Variants in AR observed in about 807,000 individuals in gnomAD.
AR encodes androgen receptor.
AR carries 8 observed loss-of-function variants against 53.9 expected under a neutral mutation model. The ratio of observed to expected loss-of-function variants is 0.15; its 90% CI spans 0.09 to 0.27. AR has a LOEUF of 0.27. Ranked by LOEUF, AR falls within the 10% of genes least tolerant of loss-of-function variation. The probability of loss-of-function intolerance (pLI) is 1.00; values close to 1 mark genes in which losing one functional copy is unlikely to be tolerated. For synonymous variants in AR, 359 were observed against 316.4 expected (o/e 1.13, Z -1.43); for missense variants, 639 against 742.5 (o/e 0.86, Z 1.62).
chrX:67,658,103 G>T (rs1217554336), intron 2 of AR, among the ~76,000 whole-genome samples: 1 of 112,186 alleles, frequency 8.9e-6, no homozygotes, highest in Non-Finnish European at 1.9e-5. Context: ...GACACATTCA[G>T]CCATAATCAA....
chrX:67,652,729 A>C (rs1042244092), intron 2 of AR, among the ~76,000 whole-genome samples: 5 of 111,719 alleles, frequency 4.5e-5, no homozygotes, highest in African/African-American at 1.6e-4. Context: ...GAAGGAGCTT[A>C]GTCCCTGATA....
intron 1 of AR, among the ~76,000 whole-genome samples, chrX:67,581,441 A>G (rs1922292811): frequency 8.9e-6 from 1 of 111,814 alleles, no homozygotes. Flanking sequence ...TGATTTTCAA[A>G]CCTATGAAGT....
At chrX:67,659,560 T>C (rs1258693960) in intron 2 of AR, among the ~76,000 whole-genome samples, 3 of 111,959 alleles carry the variant, frequency 2.7e-5, no homozygotes, top group African/African-American at 9.7e-5. Context: ...TCATTTTTTA[T>C]GGCTGCGTAG....
chrX:67,689,730 T>C, intron 3 of AR: 1 of 834,863 alleles, frequency 1.2e-6, no homozygotes, highest in Non-Finnish European at 1.5e-6. Context: ...GCTTGACGAA[T>C]TTAAATCCCT....
intron 3 of AR, among the ~76,000 whole-genome samples, chrX:67,705,818 C>A (rs1284479601): frequency 9.0e-6 from 1 of 111,198 alleles, no homozygotes; most frequent in Admixed American, 9.6e-5. Flanking sequence ...GAGATACGTC[C>A]CATCAATACC....
chrX:67,695,772 C>T (rs980306387), intron 3 of AR: 10 of 740,936 alleles, frequency 1.3e-5, no homozygotes, highest in African/African-American at 4.9e-5. Flanking sequence ...CACACACACA[C>T]GCTCTCTCTC....
intron 3 of AR, among the ~76,000 whole-genome samples, chrX:67,704,680 G>A (rs1325454467): frequency 1.8e-5 from 2 of 111,815 alleles, no homozygotes; most frequent in African/African-American, 6.5e-5. Context: ...TTTGGCTTTT[G>A]TTGCCATTGC....
rs1018384963 is a variant in AR at position 67,619,623 on chromosome X, C to T, written c.1617-23633C>T. ...GTCTTGGGCAGAACACTTAAGGTTT[C>T]TGGACCTCAGTTATTTCTTCTGTAA... is the stretch of plus-strand genomic sequence containing the variant. On this transcript the variant is annotated intron_variant, in intron 1 of 7. Transcript: ENST00000374690. Among the ~76,000 whole-genome samples the T allele has an allele frequency of 1.1e-4, 12 of 111,032 alleles. No individual in the cohort carries two copies. The Admixed American group carries it at 1.2e-3, about 11-fold the overall frequency.
chrX:67,628,224 G>C (rs995130877), intron 1 of AR, among the ~76,000 whole-genome samples: 9 of 108,655 alleles, frequency 8.3e-5, no homozygotes, highest in Non-Finnish European at 1.5e-4. Context: ...AAATTACCTT[G>C]GGCAGTATGG....
chrX:67,601,019 A>G (rs777953135), intron 1 of AR, among the ~76,000 whole-genome samples: 2 of 112,017 alleles, frequency 1.8e-5, no homozygotes, highest in South Asian at 7.4e-4. Flanking sequence ...TCCTTCTATG[A>G]TTCAAGGGAG....
chrX:67,610,545 A>T (rs531525927), intron 1 of AR, among the ~76,000 whole-genome samples: 2 of 111,120 alleles, frequency 1.8e-5, no homozygotes, highest in Non-Finnish European at 1.9e-5. Context: ...GAGATTTTCT[A>T]TGTATATATA....
intron 1 of AR, among the ~76,000 whole-genome samples, chrX:67,617,414 A>G (rs1924175012): frequency 8.9e-6 from 1 of 111,858 alleles, no homozygotes; most frequent in Non-Finnish European, 1.9e-5. Flanking sequence ...GGCACCAAAT[A>G]TAATTTTATT....
At chrX:67,675,936 G>A (rs1272788482) in intron 2 of AR, among the ~76,000 whole-genome samples, 3 of 111,364 alleles carry the variant, frequency 2.7e-5, no homozygotes, top group Non-Finnish European at 3.8e-5. Context: ...AGGAAAGGGC[G>A]CTTGGAATCA....
chrX:67,653,262 G>A (rs1027186140), intron 2 of AR, among the ~76,000 whole-genome samples: 10 of 112,271 alleles, frequency 8.9e-5, no homozygotes, highest in Non-Finnish European at 1.9e-4. Context: ...AGGCACAGAA[G>A]AGTTGAGTGA....
intron 3 of AR, chrX:67,695,214 T>C: frequency 1.3e-6 from 1 of 754,944 alleles, no homozygotes. Context: ...TCTTTATTTG[T>C]GTATTAGGCA....
intron 2 of AR, among the ~76,000 whole-genome samples, chrX:67,656,101 G>A (rs1926575512): frequency 8.9e-6 from 1 of 111,980 alleles, no homozygotes; most frequent in Non-Finnish European, 1.9e-5. Context: ...TGCGTTCTGG[G>A]CCCTGTCCCC....
chrX:67,688,266 G>A (rs1402585982), intron 3 of AR, among the ~76,000 whole-genome samples: 2 of 111,517 alleles, frequency 1.8e-5, no homozygotes, highest in Admixed American at 9.6e-5. Context: ...AAATGGCCTT[G>A]CCTTTAGAGT....
intron 4 of AR, among the ~76,000 whole-genome samples, chrX:67,716,195 T>G (rs946269141): frequency 1.8e-5 from 2 of 112,346 alleles, no homozygotes; most frequent in Non-Finnish European, 3.7e-5. Context: ...GAAGATATGG[T>G]CCCTGTCTTC....
chrX:67,593,918 G>A (rs191114063), intron 1 of AR, among the ~76,000 whole-genome samples: 1 of 112,110 alleles, frequency 8.9e-6, no homozygotes, highest in Admixed American at 9.5e-5. Flanking sequence ...TTTCAGAAAA[G>A]TGACTGTTTC....
Sources: allele counts gnomAD v4.1 joint callset (sites outside exome capture counted in the v4.1 genomes callset), GRCh38; gene constraint gnomAD v4.1.1; transcripts MANE v1.5; gene names NCBI Gene and HGNC (gene_info 2026-07-23, HGNC 2026-07-21).